The following SP140 variants were observed in gnomAD, a reference collection of about 807,000 sequenced individuals.
SP140 encodes the protein SP140 nuclear body protein.
A neutral mutation model predicts 125.0 loss-of-function variants in SP140; 81 were observed. The ratio of observed to expected loss-of-function variants is 0.65; its 90% CI spans 0.54 to 0.78. The LOEUF (loss-of-function observed/expected upper bound fraction) is 0.78, where lower values mean the gene tolerates loss of function less well. SP140 is among the 30% of genes least tolerant of loss of function. SP140 has a pLI of 0.00. For synonymous variants in SP140, 312 were observed against 354.0 expected, an observed-to-expected ratio of 0.88 and a Z score of 1.33; for missense variants, 858 against 1,037.0, an observed-to-expected ratio of 0.83 and a Z score of 2.37.
At chr2:230,233,857 A>G (rs1193271903) in intron 1 of SP140, among the ~76,000 whole-genome samples, 1 of 152,190 alleles carries the variant, frequency 6.6e-6, no homozygotes, top group Admixed American at 6.5e-5. Context: ...CCTCTGAAAA[A>G]TTTCATTGTA....
chr2:230,295,309 C>G (rs1559351772), intron 21 of SP140, among the ~76,000 whole-genome samples: 1 of 152,198 alleles, frequency 6.6e-6, no homozygotes, highest in Non-Finnish European at 1.5e-5. Context: ...AGATGCAGGC[C>G]TTTACATTAT....
intron 1 of SP140, chr2:230,230,546 A>T (rs2047095266): frequency 6.6e-6 from 1 of 152,168 alleles, no homozygotes; most frequent in African/African-American, 2.4e-5. Flanking sequence ...TTGGGAAGGG[A>T]TTGTTATAAT....
intron 3 of SP140, chr2:230,239,145 G>A (rs1034241086): frequency 1.1e-6 from 1 of 895,500 alleles, no homozygotes; most frequent in Non-Finnish European, 1.5e-6. Context: ...ATTCAAAAAA[G>A]AGGTATCTTG....
intron 10 of SP140, among the ~76,000 whole-genome samples, chr2:230,251,838 G>A (rs1209627635): frequency 6.6e-6 from 1 of 152,116 alleles, no homozygotes; most frequent in Non-Finnish European, 1.5e-5. Context: ...CAGGGAAAGT[G>A]CTGTTATTGT....
chr2:230,244,410 T>A (rs570061021), intron 5 of SP140, among the ~76,000 whole-genome samples: 1 of 152,174 alleles, frequency 6.6e-6, no homozygotes, highest in Non-Finnish European at 1.5e-5. Context: ...GCTGACTCAC[T>A]GCGGTGATGG....
Position 230,307,992 on chromosome 2 carries a change from C to CACAT in SP140, c.2059-1929_2059-1928insTACA, listed in dbSNP as rs1217564899. On this transcript the variant is annotated intron_variant, in intron 22 of 26. Coordinates refer to ENST00000392045, the MANE Select transcript of SP140 (RefSeq NM_007237.5). ...ATATATATATATATATATATATATA[C>CACAT]ACACACACACACACACACACACACA... Among the ~76,000 whole-genome samples, 161 of 49,032 alleles carry CACAT rather than the reference C, an allele frequency of 3.3e-3. 6 individuals are homozygous for CACAT. The highest frequency in any genetic ancestry group is 0.017 in the Middle Eastern group (1 of 58). 32.2% of individuals were successfully genotyped at this position (49,032 alleles called of 152,430 possible).
intron 15 of SP140, among the ~76,000 whole-genome samples, chr2:230,281,950 G>T (rs949887676): frequency 6.6e-6 from 1 of 152,116 alleles, no homozygotes; most frequent in African/African-American, 2.4e-5. Context: ...AGATGCATCA[G>T]TTCTTTCCCC....
At chr2:230,264,393 A>G (rs2149315625) in intron 12 of SP140, among the ~76,000 whole-genome samples, 1 of 152,034 alleles carries the variant, frequency 6.6e-6, no homozygotes, top group African/African-American at 2.4e-5. Flanking sequence ...CATATTTTGG[A>G]TTTCCTTGCA....
chr2:230,235,699 G>C (rs1421521166), intron 1 of SP140, among the ~76,000 whole-genome samples: 1 of 152,116 alleles, frequency 6.6e-6, no homozygotes, highest in Non-Finnish European at 1.5e-5. Flanking sequence ...AATTTAGCAA[G>C]TAGGAATCAG....
At chr2:230,248,442 G>A (rs1227504307) in intron 8 of SP140, among the ~76,000 whole-genome samples, 1 of 152,070 alleles carries the variant, frequency 6.6e-6, no homozygotes, top group East Asian at 1.9e-4. Context: ...CGGAGGAGTG[G>A]ACCAGGGATC....
downstream of SP140, among the ~76,000 whole-genome samples, chr2:230,315,796 A>G (rs547861688): frequency 1.9e-3 from 291 of 152,266 alleles, 3 homozygotes; most frequent in African/African-American, 6.7e-3. Context: ...CCTCCATTTT[A>G]ATTCAGCAGT....
downstream of SP140, among the ~76,000 whole-genome samples, chr2:230,315,210 A>G (rs563552837): frequency 2.6e-5 from 4 of 152,344 alleles, no homozygotes; most frequent in African/African-American, 4.8e-5. Flanking sequence ...CCAGTTCTCA[A>G]TGGAATCCAG....
At chr2:230,249,527 C>T (rs368281072) in intron 9 of SP140, among the ~76,000 whole-genome samples, 1 of 151,954 alleles carries the variant, frequency 6.6e-6, no homozygotes, top group South Asian at 2.1e-4. Context: ...AAATAAGGGA[C>T]ATTTTACCAG....
At chr2:230,205,048 CATT>C (rs2043613981) in intron 1 of SP140, among the ~76,000 whole-genome samples, 1 of 152,084 alleles carries the variant, frequency 6.6e-6, no homozygotes, top group African/African-American at 2.4e-5. Context: ...GGACAGTGAA[CATT>C]ACCCTAAGGG....
At chr2:230,191,830 A>C in the SP140 span, among the ~76,000 whole-genome samples, 13 of 152,180 alleles carry the variant, frequency 8.5e-5, no homozygotes, top group Admixed American at 1.3e-4. Flanking sequence ...GACACAACAA[A>C]AAAAAAGAAA....
At chr2:230,205,894 GA>G (rs1016209621) in intron 1 of SP140, among the ~76,000 whole-genome samples, 11 of 152,186 alleles carry the variant, frequency 7.2e-5, no homozygotes, top group African/African-American at 2.7e-4. Flanking sequence ...ACAAAGCTCA[GA>G]AGTGTGAGTT....
intron 19 of SP140, among the ~76,000 whole-genome samples, chr2:230,291,176 T>TTTTAGTCTATGATG (rs2057067259): frequency 1.3e-5 from 2 of 152,252 alleles, no homozygotes; most frequent in South Asian, 4.1e-4. Flanking sequence ...TGCCAAAAAA[T>TTTTAGTCTATGATG]GTCTATTAGA....
chr2:230,314,712 C>A (rs1474301065), downstream of SP140, among the ~76,000 whole-genome samples: 3 of 152,222 alleles, frequency 2.0e-5, no homozygotes, highest in African/African-American at 7.2e-5. Context: ...CTGGAGAATC[C>A]ATCCATCAGG....
At chr2:230,227,383 A>G (rs2046601114) in intron 1 of SP140, among the ~76,000 whole-genome samples, 1 of 152,182 alleles carries the variant, frequency 6.6e-6, no homozygotes, top group Non-Finnish European at 1.5e-5. Context: ...CAGCCAGCCC[A>G]TGGTCACCAA....
Sources: gnomAD v4.1 joint callset for allele counts (sites outside exome capture counted in the v4.1 genomes callset) on GRCh38, gnomAD v4.1.1 for gene constraint, MANE v1.5 for transcripts, NCBI Gene and HGNC (gene_info 2026-07-23, HGNC 2026-07-21) for gene names.